The following DLC1 variants were observed in gnomAD, a reference collection of about 807,000 sequenced individuals.
DLC1 encodes the protein DLC1 Rho GTPase activating protein.
Under a neutral mutation model 140.3 loss-of-function variants are expected in DLC1, and 54 were observed. The observed-to-expected ratio is 0.38, with a 90% CI of 0.31 to 0.48. DLC1 has a LOEUF of 0.48. Ranked by LOEUF, DLC1 falls within the 20% of genes least tolerant of loss-of-function variation. The pLI, the probability that DLC1 is intolerant of heterozygous loss-of-function variation, is 0.96. For missense variants in DLC1, 2,536 were observed against 1,907.0 expected, an observed-to-expected ratio of 1.33 and a Z score of -6.14; for synonymous variants, 986 against 728.1, an observed-to-expected ratio of 1.35 and a Z score of -5.70.
chr8:13,342,217 A>T (rs983923802), intron 4 of DLC1: 1 of 152,230 alleles, frequency 6.6e-6, no homozygotes, highest in East Asian at 1.9e-4. Context: ...CTTTATTTAC[A>T]AACTATTCAA....
intron 5 of DLC1, among the ~76,000 whole-genome samples, chr8:13,132,200 C>G (rs926132055): frequency 1.6e-5 from 2 of 128,494 alleles, no homozygotes; most frequent in Non-Finnish European, 3.1e-5. Context: ...GGAAAAAAAC[C>G]AAAACTGTGT....
chr8:13,087,232 TC>T (rs1275200714), intron 16 of DLC1, among the ~76,000 whole-genome samples: 1 of 152,134 alleles, frequency 6.6e-6, no homozygotes, highest in Non-Finnish European at 1.5e-5. Context: ...TGACACCATG[TC>T]TCTACCAGAA....
At chr8:13,213,904 C>T (rs955964287) in intron 5 of DLC1, among the ~76,000 whole-genome samples, 1 of 152,000 alleles carries the variant, frequency 6.6e-6, no homozygotes, top group Admixed American at 6.6e-5. Context: ...ATGCCTCAGC[C>T]TCCTGAATAG....
chr8:13,118,000 CTTTCTTTTTTT>C (rs1412397123), intron 5 of DLC1, among the ~76,000 whole-genome samples: 14 of 115,146 alleles, frequency 1.2e-4, no homozygotes, highest in Admixed American at 8.4e-4. Context: ...TTCTTGTTCT[CTTTCTTTTTTT>C]TTTTTTTTTT....
intron 6 of DLC1, 27 bp from the exon 7 acceptor site, chr8:13,110,850 T>G (rs1415630365): frequency 6.2e-7 from 1 of 1,611,864 alleles, no homozygotes; most frequent in Non-Finnish European, 8.5e-7. Flanking sequence ...CAGATGTATT[T>G]GTTGAGCGCC....
chr8:13,244,897 G>A (rs1408369287), intron 5 of DLC1, among the ~76,000 whole-genome samples: 1 of 152,222 alleles, frequency 6.6e-6, no homozygotes, highest in Non-Finnish European at 1.5e-5. Flanking sequence ...CAGGCAAGAA[G>A]GAAGACGGTT....
intron 5 of DLC1, among the ~76,000 whole-genome samples, chr8:13,270,870 T>A (rs1012236797): frequency 6.6e-6 from 1 of 152,192 alleles, no homozygotes; most frequent in East Asian, 1.9e-4. Context: ...GCTTAGTATA[T>A]GTCAATGACT....
At position 13,090,271 on chromosome 8, in the gene DLC1, G is replaced by T; in HGVS notation, c.4055C>A (p.Ala1352Asp). The T allele has an allele frequency of 6.2e-7, 1 of 1,614,124 alleles. No homozygotes were observed. The highest frequency in any genetic ancestry group is 8.5e-7 in the Non-Finnish European group (1 of 1,180,016). ...GWVSYSTSEQ[A>D]ELSYKKVSEG... ...CCTTACCTTCTTATAGGACAGCTCAGCCTGCTCCGAAGTGGAGTAGCTGAC... is the reference window on the plus strand; with the variant it reads ...CCTTACCTTCTTATAGGACAGCTCATCCTGCTCCGAAGTGGAGTAGCTGAC... The change falls in exon 15 of 18, where the codon GCT becomes GAT. Residue 1352 changes from alanine to aspartate, a missense_variant. By Grantham distance (126) the Ala-to-Asp change is moderately radical. Coordinates refer to ENST00000276297, the MANE Select transcript of DLC1 (RefSeq NM_182643.3).
At chr8:13,268,579 C>T (rs1830786304) in intron 5 of DLC1, among the ~76,000 whole-genome samples, 1 of 152,136 alleles carries the variant, frequency 6.6e-6, no homozygotes, top group Non-Finnish European at 1.5e-5. Context: ...ATGACGGAGT[C>T]TTGCTATGTT....
chr8:13,284,841 G>C (rs1467626396), intron 5 of DLC1, among the ~76,000 whole-genome samples: 1 of 152,122 alleles, frequency 6.6e-6, no homozygotes, highest in Admixed American at 6.5e-5. Context: ...ACAAAAATTT[G>C]TACACTGAAA....
chr8:13,114,365 A>C (rs184445320), intron 6 of DLC1, among the ~76,000 whole-genome samples: 431 of 152,340 alleles, frequency 2.8e-3, no homozygotes, highest in Non-Finnish European at 4.4e-3. Flanking sequence ...CCGTCTCAAA[A>C]CAAATAAATA....
At chr8:13,553,017 T>C (rs1228764630) in intron 1 of DLC1, among the ~76,000 whole-genome samples, 1 of 151,384 alleles carries the variant, frequency 6.6e-6, no homozygotes, top group Non-Finnish European at 1.5e-5. Context: ...AATAGGAATA[T>C]TATACTAAAA....
intron 14 of DLC1, among the ~76,000 whole-genome samples, chr8:13,090,731 C>T (rs776681725): frequency 6.6e-6 from 1 of 151,816 alleles, no homozygotes; most frequent in Non-Finnish European, 1.5e-5. Flanking sequence ...TTACATTGGT[C>T]AAAGCAGGTT....
At chr8:13,261,479 G>A (rs2117332108) in intron 5 of DLC1, among the ~76,000 whole-genome samples, 1 of 152,240 alleles carries the variant, frequency 6.6e-6, no homozygotes, top group East Asian at 1.9e-4. Context: ...GAGTTGAGGA[G>A]TGACAGGATA....
At chr8:13,188,821 ATATATGTATATATATATATATATTTTTTT>A (rs1339310221) in intron 5 of DLC1, among the ~76,000 whole-genome samples, 63 of 41,438 alleles carry the variant, frequency 1.5e-3, no homozygotes, top group African/African-American at 5.2e-3. Flanking sequence ...ATATATATAT[ATATATGTATATATATATATATATTTTTTT>A]TTTTTTTTTT....
chr8:13,130,779 T>A (rs1822010233), intron 5 of DLC1, among the ~76,000 whole-genome samples: 1 of 152,206 alleles, frequency 6.6e-6, no homozygotes, highest in Non-Finnish European at 1.5e-5. Context: ...TTATCCCCAG[T>A]CCCCTTTTTG....
intron 1 of DLC1, among the ~76,000 whole-genome samples, chr8:13,510,991 C>T (rs763647269): frequency 6.0e-5 from 9 of 151,040 alleles, no homozygotes; most frequent in South Asian, 4.2e-4. Flanking sequence ...TTTTTTTTTC[C>T]TTCGCTTTTC....
At chr8:13,219,146 T>TTATATAATTATATGAATATAAC (rs879718971) in intron 5 of DLC1, among the ~76,000 whole-genome samples, 7 of 117,402 alleles carry the variant, frequency 6.0e-5, no homozygotes, top group Non-Finnish European at 1.1e-4. Context: ...GTGAATATAA[T>TTATATAATTATATGAATATAAC]TATATAATTA....
At chr8:13,370,831 G>A (rs899503682) in intron 4 of DLC1, among the ~76,000 whole-genome samples, 2 of 152,114 alleles carry the variant, frequency 1.3e-5, no homozygotes, top group East Asian at 3.9e-4. Flanking sequence ...CGCAGTTTCT[G>A]GTGTTCAAAC....
Sources: allele counts gnomAD v4.1 joint callset (sites outside exome capture counted in the v4.1 genomes callset), GRCh38; gene constraint gnomAD v4.1.1; transcripts MANE v1.5; gene names NCBI Gene and HGNC (gene_info 2026-07-23, HGNC 2026-07-21).